TMEM268: variants seen among roughly 807,000 people sequenced by gnomAD.
The protein encoded by TMEM268 is transmembrane protein 268.
A neutral mutation model predicts 39.1 loss-of-function variants in TMEM268; 24 were observed. The ratio of observed to expected loss-of-function variants is 0.61; its 90% CI spans 0.44 to 0.86. The LOEUF is 0.86. Ranked by LOEUF, TMEM268 falls within the 40% of genes least tolerant of loss-of-function variation. TMEM268 has a pLI of 0.00. For synonymous variants in TMEM268, 176 were observed against 173.5 expected (o/e 1.01, Z -0.12); for missense variants, 409 against 428.6 (o/e 0.95, Z 0.40).
At chr9:114,605,346 G>GT in the TMEM268 span, among the ~76,000 whole-genome samples, 2,363 of 149,150 alleles carry the variant, frequency 0.016, 29 homozygotes, top group Non-Finnish European at 0.024. Context: ...TTTTTTTCTG[G>GT]TTTTTTTTTT....
At chr9:114,612,269 A>G (rs1002530465) in intron 1 of TMEM268, among the ~76,000 whole-genome samples, 1 of 152,192 alleles carries the variant, frequency 6.6e-6, no homozygotes, top group African/African-American at 2.4e-5. Context: ...TCCTTTGCAG[A>G]TGCTCTCTAC....
At chr9:114,611,604 G>A (rs1845493339) in intron 1 of TMEM268, 40 bp downstream of exon 1, 1 of 155,448 alleles carries the variant, frequency 6.4e-6, no homozygotes, top group Non-Finnish European at 1.4e-5. Flanking sequence ...CGTGTCCTGC[G>A]ATCCGGGCTT....
intron 1 of TMEM268, 112 bp from the exon 2 acceptor site, chr9:114,617,006 G>C (rs1887785): frequency 0.65 from 311,430 of 479,346 alleles, 102,853 homozygotes; most frequent in African/African-American, 0.8. Flanking sequence ...GGCAAAAAGA[G>C]TCCGGGTAAC....
At chr9:114,607,491 A>C (rs1845380749), upstream of TMEM268, among the ~76,000 whole-genome samples, 1 of 152,154 alleles carries the variant, frequency 6.6e-6, no homozygotes, top group African/African-American at 2.4e-5. Flanking sequence ...CCCTGTCTCT[A>C]CTAAAAATAA....
At chr9:114,618,567 G>A (rs575438936) in intron 2 of TMEM268, among the ~76,000 whole-genome samples, 2 of 152,082 alleles carry the variant, frequency 1.3e-5, no homozygotes, top group Admixed American at 1.3e-4. Context: ...GGAGGCTGAG[G>A]CAGGATAATC....
At chr9:114,628,989 A>G (rs1846278327) in intron 5 of TMEM268, among the ~76,000 whole-genome samples, 1 of 152,192 alleles carries the variant, frequency 6.6e-6, no homozygotes, top group Non-Finnish European at 1.5e-5. Flanking sequence ...ATCCTTCGAC[A>G]TTAAATCTGG....
At chr9:114,626,865 G>A (rs370281778) in intron 3 of TMEM268, 34 bp from the exon 4 acceptor site, 171 of 1,514,602 alleles carry the variant, frequency 1.1e-4, no homozygotes, top group Admixed American at 3.2e-4. Flanking sequence ...GCTGTCCTGC[G>A]GCTGATTGAT....
chr9:114,642,966 C>T (rs921662236), intron 8 of TMEM268, among the ~76,000 whole-genome samples, 168 bp from the exon 9 acceptor site: 5 of 152,172 alleles, frequency 3.3e-5, no homozygotes, highest in African/African-American at 9.7e-5. Context: ...CTGGACCAGG[C>T]TGGCATCTTC....
At chr9:114,620,709 CT>C (rs1845914115) in intron 2 of TMEM268, among the ~76,000 whole-genome samples, 1 of 152,212 alleles carries the variant, frequency 6.6e-6, no homozygotes. Flanking sequence ...TTGTACCCAT[CT>C]TGTGCTGAGC....
chr9:114,604,585 CAAAAA>C, the TMEM268 span, among the ~76,000 whole-genome samples: 1 of 81,664 alleles, frequency 1.2e-5, no homozygotes. Context: ...GACTCCGTCT[CAAAAA>C]AAAAAAAAAA....
chr9:114,624,297 C>T (rs574398999), intron 2 of TMEM268, 53 bp from the exon 3 acceptor site: 31 of 1,551,680 alleles, frequency 2.0e-5, no homozygotes, highest in South Asian at 1.4e-4. Context: ...GCTCACCCCA[C>T]GAGCCTGGTA....
intron 1 of TMEM268, among the ~76,000 whole-genome samples, chr9:114,614,682 C>T (rs550482336): frequency 5.9e-5 from 9 of 152,256 alleles, no homozygotes; most frequent in East Asian, 1.9e-4. Flanking sequence ...CAGCAAAAGA[C>T]GATTCTAGTA....
chr9:114,612,200 C>T (rs1845528493), intron 1 of TMEM268, among the ~76,000 whole-genome samples: 1 of 152,130 alleles, frequency 6.6e-6, no homozygotes, highest in South Asian at 2.1e-4. Flanking sequence ...CCCGGGGAGG[C>T]TGGGCACTCG....
chr9:114,604,585 C>CAAAAAA, the TMEM268 span, among the ~76,000 whole-genome samples: 1 of 81,658 alleles, frequency 1.2e-5, no homozygotes, highest in East Asian at 3.5e-4. Context: ...GACTCCGTCT[C>CAAAAAA]AAAAAAAAAA....
chr9:114,634,992 G>A (rs1040556748), intron 6 of TMEM268, among the ~76,000 whole-genome samples: 7 of 152,244 alleles, frequency 4.6e-5, no homozygotes, highest in Non-Finnish European at 7.3e-5. Flanking sequence ...TCCTTTATCC[G>A]TTGGCACGTA....
intron 2 of TMEM268, among the ~76,000 whole-genome samples, chr9:114,620,222 A>C (rs1589333646): frequency 1.4e-5 from 2 of 147,732 alleles, no homozygotes; most frequent in Middle Eastern, 6.8e-3. Flanking sequence ...TCTCAAAAAA[A>C]AAATTATTTT....
rs1440263692 is a variant in TMEM268 at position 114,624,364 on chromosome 9, C to T, written c.121C>T (p.Gln41Ter). 6.2e-7 allele frequency: 1 copy of T among 1,602,338 alleles called. No homozygotes were observed. Among genetic ancestry groups the T allele is most frequent in the East Asian group, 2.2e-5 (1 of 44,684 alleles). Residue 41 changes from glutamine to a stop codon, truncating the protein, a stop_gained, in exon 3 of 9, where the codon CAG (glutamine) becomes TAG (stop). Coordinates refer to ENST00000288502, the MANE Select transcript of TMEM268 (RefSeq NM_153045.4). LOFTEE classifies it high-confidence loss of function. ...PGWGQELHNG[Q>*]VLTVLRIDNT... Reference sequence around the variant, plus strand: ...TCTGCTTCCAGAGCTCCACAATGGCCAGGTCCTCACTGTTCTCCGGATTGA... The same window carrying T: ...TCTGCTTCCAGAGCTCCACAATGGCTAGGTCCTCACTGTTCTCCGGATTGA...
At chr9:114,612,776 C>T (rs911320597) in intron 1 of TMEM268, among the ~76,000 whole-genome samples, 1 of 152,184 alleles carries the variant, frequency 6.6e-6, no homozygotes, top group East Asian at 1.9e-4. Context: ...CCTCTCACTG[C>T]CTTGTTGCAA....
At chr9:114,631,007 G>A (rs533879785) in intron 5 of TMEM268, among the ~76,000 whole-genome samples, 3 of 152,232 alleles carry the variant, frequency 2.0e-5, no homozygotes, top group African/African-American at 7.2e-5. Context: ...CTCACTGTTA[G>A]CCTTTCTCAG....
Sources: gnomAD v4.1 joint callset for allele counts (sites outside exome capture counted in the v4.1 genomes callset) on GRCh38, gnomAD v4.1.1 for gene constraint, MANE v1.5 for transcripts, NCBI Gene and HGNC (gene_info 2026-07-23, HGNC 2026-07-21) for gene names.